The following EIF4G3 variants were observed in gnomAD, a reference collection of about 807,000 sequenced individuals.
EIF4G3 encodes eukaryotic translation initiation factor 4 gamma 3.
A neutral mutation model predicts 186.4 loss-of-function variants in EIF4G3; 34 were observed. That is an observed-to-expected ratio of 0.18 (90% CI 0.14 to 0.24). EIF4G3 has a LOEUF of 0.24. EIF4G3 is among the 10% of genes least tolerant of loss of function. The pLI, the probability that EIF4G3 is intolerant of heterozygous loss-of-function variation, is 1.00. For synonymous variants in EIF4G3, 673 were observed against 679.5 expected, an observed-to-expected ratio of 0.99 and a Z score of 0.15; for missense variants, 1,536 against 1,948.5, an observed-to-expected ratio of 0.79 and a Z score of 3.99.
At chr1:21,114,373 C>T (rs2096780732) in intron 2 of EIF4G3, among the ~76,000 whole-genome samples, 1 of 152,198 alleles carries the variant, frequency 6.6e-6, no homozygotes, top group Admixed American at 6.5e-5. Context: ...TCTCGATCCA[C>T]CCGCCTCGGC....
intron 2 of EIF4G3, among the ~76,000 whole-genome samples, chr1:21,098,891 C>T (rs565829360): frequency 6.6e-6 from 1 of 152,292 alleles, no homozygotes; most frequent in South Asian, 2.1e-4. Context: ...CCTGCCTTAG[C>T]CTTCCAAAGT....
chr1:21,106,722 C>CA (rs551185667), intron 2 of EIF4G3, among the ~76,000 whole-genome samples: 18 of 150,858 alleles, frequency 1.2e-4, no homozygotes, highest in Admixed American at 3.3e-4. Flanking sequence ...CATTTAATGC[C>CA]AAAAAAAATT....
chr1:20,978,205 AAAATGGTGAC>A, intron 10 of EIF4G3, among the ~76,000 whole-genome samples: 1 of 152,308 alleles, frequency 6.6e-6, no homozygotes, highest in African/African-American at 2.4e-5. Flanking sequence ...GAATTACATA[AAAATGGTGAC>A]AAAGGTAAGT....
chr1:21,153,120 C>T (rs569988700), intron 2 of EIF4G3, among the ~76,000 whole-genome samples: 1 of 152,216 alleles, frequency 6.6e-6, no homozygotes, highest in Non-Finnish European at 1.5e-5. Context: ...TTCATTTTTA[C>T]TTCTTCCCAC....
At chr1:20,962,903 GTTTTGTTTTTT>G (rs918920182) in intron 12 of EIF4G3, among the ~76,000 whole-genome samples, 12 of 118,864 alleles carry the variant, frequency 1.0e-4, no homozygotes, top group Admixed American at 6.6e-4. Flanking sequence ...GCCTCTTGTA[GTTTTGTTTTTT>G]TTTTGTTTTT....
intron 19 of EIF4G3, among the ~76,000 whole-genome samples, chr1:20,881,444 A>T (rs2082285614): frequency 6.6e-6 from 1 of 152,234 alleles, no homozygotes; most frequent in Non-Finnish European, 1.5e-5. Flanking sequence ...TAGATATGAC[A>T]GCAAAAGCAC....
intron 3 of EIF4G3, among the ~76,000 whole-genome samples, chr1:21,051,994 A>G (rs1028978773): frequency 6.6e-6 from 1 of 152,242 alleles, no homozygotes; most frequent in African/African-American, 2.4e-5. Flanking sequence ...AAAAACATGT[A>G]TATGTAATAT....
intron 7 of EIF4G3, among the ~76,000 whole-genome samples, chr1:20,983,809 T>C (rs573750062): frequency 6.6e-6 from 1 of 152,336 alleles, no homozygotes; most frequent in South Asian, 2.1e-4. Context: ...AATACTCCTA[T>C]GTTGCCTGAA....
chr1:20,829,175 C>A lies in EIF4G3; in HGVS notation c.4159G>T (p.Gly1387Cys). The change falls in exon 31 of 37, where the codon GGT (glycine) becomes TGT (cysteine). Residue 1387 changes from glycine (G) to cysteine (C), a missense_variant. Coordinates refer to ENST00000602326, the MANE Select transcript of EIF4G3 (RefSeq NM_001391906.1). ...GTAAGTTCTCTCATGGAGATTCCAC[C>A]TTCTTTTAACATGGGGGTCACCAGT... ...AELVTPMLKEGGISMRELTIE... is the reference protein window; with the variant it reads ...AELVTPMLKECGISMRELTIE... 1 of 1,613,904 alleles carries A rather than the reference C, an allele frequency of 6.2e-7. No individual in the cohort carries two copies.
At position 20,908,169 on chromosome 1, in the gene EIF4G3, T is replaced by G. The variant is rs901634581; in HGVS notation, c.1664-3198A>C. Among the ~76,000 whole-genome samples the G allele has an allele frequency of 1.5e-3, 232 of 152,270 alleles. 1 individual carries two copies. Among genetic ancestry groups the G allele is most frequent in the Middle Eastern group, 6.9e-3 (2 of 290 alleles). ...GTGATGATGAGCATTTTTTCATGTG[T>G]TTTTTGGCTGCATAAATGTCTTCTT... is the stretch of plus-strand genomic sequence containing the variant. On this transcript the variant is annotated intron_variant, in intron 14 of 36. Transcript: ENST00000602326.
At chr1:21,138,482 A>G (rs182924497) in intron 2 of EIF4G3, among the ~76,000 whole-genome samples, 5 of 152,330 alleles carry the variant, frequency 3.3e-5, no homozygotes, top group African/African-American at 9.6e-5. Flanking sequence ...CAGAAGGTTC[A>G]GCACAGACCA....
At chr1:21,042,371 A>C (rs1443524512) in intron 4 of EIF4G3, among the ~76,000 whole-genome samples, 1 of 152,178 alleles carries the variant, frequency 6.6e-6, no homozygotes. Flanking sequence ...AATATAACTA[A>C]GTTAATCTCT....
At chr1:21,122,345 T>C (rs776275498) in intron 2 of EIF4G3, among the ~76,000 whole-genome samples, 3 of 152,182 alleles carry the variant, frequency 2.0e-5, no homozygotes, top group Non-Finnish European at 4.4e-5. Flanking sequence ...AGCAAAATCA[T>C]GTAAACAGAA....
rs570817932 is a variant in EIF4G3, at chr1:20,809,224, C to T, written c.4744+1514G>A. 4.8e-4 allele frequency among the ~76,000 whole-genome samples: 73 copies of T among 152,090 alleles called. 1 individual carries two copies. Among genetic ancestry groups the T allele is most frequent in the African/African-American group, 1.4e-3 (60 of 41,498 alleles). On this transcript the variant is annotated intron_variant, in intron 36 of 36. Transcript: ENST00000602326. ...CTGACCTCGGGTGATCTGCATGCCT[C>T]GGCCTTTTTTTAAAAAGACTTATCT...
intron 33 of EIF4G3, among the ~76,000 whole-genome samples, 155 bp from the exon 34 acceptor site, chr1:20,817,693 T>G (rs1039037425): frequency 2.7e-5 from 4 of 148,946 alleles, no homozygotes; most frequent in African/African-American, 7.4e-5. Context: ...TTTTTTTTTT[T>G]TTTTTTTTTT....
intron 17 of EIF4G3, among the ~76,000 whole-genome samples, chr1:20,893,842 C>A (rs1365654674): frequency 6.7e-6 from 1 of 150,152 alleles, no homozygotes; most frequent in African/African-American, 2.5e-5. Flanking sequence ...TTCTGATACG[C>A]TGGGAATGAT....
chr1:20,907,920 G>A (rs2092531308), intron 14 of EIF4G3, among the ~76,000 whole-genome samples: 1 of 152,048 alleles, frequency 6.6e-6, no homozygotes, highest in East Asian at 1.9e-4. Flanking sequence ...GTAATGGGAT[G>A]GCTGGGTCAA....
chr1:20,936,079 C>T (rs968434083), intron 14 of EIF4G3, among the ~76,000 whole-genome samples: 4 of 152,126 alleles, frequency 2.6e-5, no homozygotes, highest in African/African-American at 9.7e-5. Context: ...CATAAAGAGG[C>T]AAGGAAGAAC....
intron 14 of EIF4G3, among the ~76,000 whole-genome samples, chr1:20,940,559 A>C (rs1450317067): frequency 6.6e-6 from 1 of 152,192 alleles, no homozygotes; most frequent in Non-Finnish European, 1.5e-5. Context: ...ATGGTGACCA[A>C]AACCTATTCA....
Sources: gnomAD v4.1 joint callset for allele counts (sites outside exome capture counted in the v4.1 genomes callset) on GRCh38, gnomAD v4.1.1 for gene constraint, MANE v1.5 for transcripts, NCBI Gene and HGNC (gene_info 2026-07-23, HGNC 2026-07-21) for gene names.